The following HLCS variants were observed in gnomAD, a reference collection of about 807,000 sequenced individuals.
HLCS encodes biotin--protein ligase.
In HLCS, 53 loss-of-function variants were observed where a neutral mutation model predicts 75.0. The ratio of observed to expected loss-of-function variants is 0.71; its 90% CI spans 0.57 to 0.89. The LOEUF is 0.89. Ranked by LOEUF, HLCS falls within the 40% of genes least tolerant of loss-of-function variation. The probability of loss-of-function intolerance (pLI) is 0.00; values close to 1 mark genes in which losing one functional copy is unlikely to be tolerated. For synonymous variants in HLCS, 431 were observed against 428.6 expected (o/e 1.01, Z -0.07); for missense variants, 966 against 1,074.0 (o/e 0.90, Z 1.41).
rs119103228 is a variant in HLCS at position 36,759,811 on chromosome 21, C to T, written c.2152G>A (p.Asp718Asn). Residue 718 changes from aspartate (D) to asparagine (N), a missense_variant, in exon 9 of 11, where the codon GAT (aspartate) becomes AAT (asparagine). Asp to Asn is a conservative substitution (Grantham distance 23). Coordinates refer to ENST00000674895, the MANE Select transcript of HLCS (RefSeq NM_001352514.2). ...TTCATGAGGTCACTGTAATAAATATCGTTGGGCCACTTCACTCGTAAGTTG... is the reference window on the plus strand; with the variant it reads ...TTCATGAGGTCACTGTAATAAATATTGTTGGGCCACTTCACTCGTAAGTTG... Reference protein sequence around the residue: ...DINLRVKWPNDIYYSDLMKIG... With the variant: ...DINLRVKWPNNIYYSDLMKIG... 4.6e-5 allele frequency: 74 copies of T among 1,613,036 alleles called. No homozygotes were observed. Among genetic ancestry groups the T allele is most frequent in the East Asian group, 8.9e-5 (4 of 44,868 alleles).
intron 2 of HLCS, among the ~76,000 whole-genome samples, chr21:36,954,364 C>T (rs1241182304): frequency 6.6e-6 from 1 of 151,778 alleles, no homozygotes; most frequent in East Asian, 1.9e-4. Flanking sequence ...CCCATAATCT[C>T]AGCACTTTGG....
rs568001754 is a variant in HLCS, at chr21:36,817,845, T to C, written c.1893-50560A>G. ...AAGCTAAACTTAATTAGTCCAACGA[T>C]CCTACACATCAAACCCTACTGTTTG... On this transcript the variant is annotated intron_variant, in intron 6 of 10. Coordinates refer to ENST00000674895, the MANE Select transcript of HLCS (RefSeq NM_001352514.2). 8.3e-4 allele frequency among the ~76,000 whole-genome samples: 126 copies of C among 152,266 alleles called. 2 individuals carry two copies. The highest frequency in any genetic ancestry group is 2.8e-3 in the African/African-American group (116 of 41,550).
Position 36,963,092 on chromosome 21 carries a change from G to A in HLCS, c.196-922C>T, listed in dbSNP as rs1177180575. 2.0e-5 allele frequency among the ~76,000 whole-genome samples: 3 copies of A among 152,170 alleles called. No homozygotes were observed. In the East Asian group the frequency reaches 5.8e-4, roughly 29 times the overall value. On this transcript the variant is annotated intron_variant, in intron 1 of 10. Coordinates refer to ENST00000674895, the MANE Select transcript of HLCS (RefSeq NM_001352514.2). ...CAGACGCAATCAGACATACTTTAAT[G>A]GAATGTAAACTCCAGTCAGGAGTGA...
Position 36,985,272 on chromosome 21 carries a change from C to T in HLCS, c.-393+4886G>A, listed in dbSNP as rs186531676. Among the ~76,000 whole-genome samples the T allele has an allele frequency of 4.2e-3, 646 of 152,366 alleles. 6 individuals are homozygous for T. The highest frequency in any genetic ancestry group is 0.015 in the African/African-American group (623 of 41,580). ...CAAGGACACACATGTCATTTAGCTG[C>T]CATGTCTCTTTATTCCCTTTTAATC... On this transcript the variant is annotated intron_variant, in intron 1 of 11. Coordinates refer to the HLCS transcript ENST00000336648.
chr21:36,758,928 G>A (rs1176110061), intron 9 of HLCS, among the ~76,000 whole-genome samples: 2 of 151,762 alleles, frequency 1.3e-5, no homozygotes, highest in Non-Finnish European at 2.9e-5. Context: ...AGGCTGCAGT[G>A]AGCCGAGATT....
intron 6 of HLCS, among the ~76,000 whole-genome samples, chr21:36,778,380 G>A (rs2060430146): frequency 6.6e-6 from 1 of 151,932 alleles, no homozygotes. Context: ...CCTGGGTTCA[G>A]GCGATTCTCC....
intron 6 of HLCS, chr21:36,804,224 G>C (rs1169544528): frequency 6.6e-6 from 1 of 152,276 alleles, no homozygotes; most frequent in Admixed American, 6.5e-5. Context: ...TGGGTTCAAT[G>C]CAACGCTCCC....
intron 1 of HLCS, among the ~76,000 whole-genome samples, chr21:36,972,711 A>G (rs1443165462): frequency 6.6e-6 from 1 of 152,202 alleles, no homozygotes; most frequent in Non-Finnish European, 1.5e-5. Flanking sequence ...ATATACTTGA[A>G]GTGTGTTAGA....
At chr21:36,957,992 C>T (rs1433442043) in intron 2 of HLCS, among the ~76,000 whole-genome samples, 1 of 151,098 alleles carries the variant, frequency 6.6e-6, no homozygotes, top group Non-Finnish European at 1.5e-5. Flanking sequence ...CTTTGGGAGG[C>T]CGAGGCAGGT....
rs188111562 is a variant in HLCS at position 36,987,925 on chromosome 21, C to T, written c.-393+2233G>A. 4.2e-3 allele frequency among the ~76,000 whole-genome samples: 647 copies of T among 152,292 alleles called. 8 individuals are homozygous for T. The highest frequency in any genetic ancestry group is 0.015 in the African/African-American group (624 of 41,548). ...ATTTCTTTGTAGTTTTGTTTGTTTA[C>T]ACACAGGTGGATAGTCAAAGAGCTG... On this transcript the variant is annotated intron_variant, in intron 1 of 11. Transcript: ENST00000336648.
intron 6 of HLCS, among the ~76,000 whole-genome samples, chr21:36,888,442 AAAAATATATATAT>A (rs1350808776): frequency 2.8e-3 from 89 of 31,534 alleles, no homozygotes; most frequent in African/African-American, 7.1e-3. Context: ...TAAAAAAAAA[AAAAATATATATAT>A]ATATATATAT....
chr21:36,775,700 AT>A (rs11290275), intron 6 of HLCS, among the ~76,000 whole-genome samples: 152,283 of 152,284 alleles, frequency 1, 76,141 homozygotes, highest in Middle Eastern at 1. Flanking sequence ...AAATATGTCC[AT>A]TTTTCTACAA....
At chr21:36,762,384 G>A (rs549205269) in intron 8 of HLCS, among the ~76,000 whole-genome samples, 4 of 152,204 alleles carry the variant, frequency 2.6e-5, no homozygotes, top group African/African-American at 4.8e-5. Context: ...GGGAGGGTGC[G>A]GGGCCCGGGG....
intron 1 of HLCS, among the ~76,000 whole-genome samples, chr21:36,981,489 C>T (rs2069121462): frequency 6.7e-6 from 1 of 150,290 alleles, no homozygotes; most frequent in Non-Finnish European, 1.5e-5. Flanking sequence ...TAACCTCCGC[C>T]TCCCAGGTTC....
intron 6 of HLCS, among the ~76,000 whole-genome samples, chr21:36,772,007 A>C (rs564627353): frequency 1.1e-4 from 17 of 152,190 alleles, no homozygotes; most frequent in Non-Finnish European, 2.2e-4. Flanking sequence ...AAAAAAAAAA[A>C]ACAAAAATTA....
intron 6 of HLCS, among the ~76,000 whole-genome samples, chr21:36,823,648 T>C (rs1019577256): frequency 6.6e-6 from 1 of 150,870 alleles, no homozygotes; most frequent in Non-Finnish European, 1.5e-5. Context: ...TGTGTGTGTG[T>C]ACACATGTGC....
intron 7 of HLCS, 74 bp from the exon 8 acceptor site, chr21:36,765,246 C>T: frequency 2.2e-6 from 3 of 1,345,034 alleles, no homozygotes; most frequent in Non-Finnish European, 3.2e-6. Context: ...CATGCCAGGG[C>T]CACACACTCA....
chr21:36,806,914 TG>T (rs1201814982), intron 6 of HLCS, among the ~76,000 whole-genome samples: 1 of 152,020 alleles, frequency 6.6e-6, no homozygotes, highest in African/African-American at 2.4e-5. Flanking sequence ...AAGGCTTGCC[TG>T]GGGGGGTGGC....
intron 6 of HLCS, among the ~76,000 whole-genome samples, chr21:36,868,651 A>G (rs771313873): frequency 5.3e-5 from 8 of 152,074 alleles, no homozygotes; most frequent in Non-Finnish European, 1.0e-4. Flanking sequence ...CAAAATAAAA[A>G]TAGTCATAAA....
Sources: gnomAD v4.1 joint callset for allele counts (sites outside exome capture counted in the v4.1 genomes callset) on GRCh38, gnomAD v4.1.1 for gene constraint, MANE v1.5 for transcripts, NCBI Gene and HGNC (gene_info 2026-07-23, HGNC 2026-07-21) for gene names.